The following STK3 variants were observed in gnomAD, a reference collection of about 807,000 sequenced individuals.
The protein encoded by STK3 is serine/threonine-protein kinase 3.
In STK3, 41 loss-of-function variants were observed where a neutral mutation model predicts 58.0. That is an observed-to-expected ratio of 0.71 (90% CI 0.55 to 0.92). The LOEUF (loss-of-function observed/expected upper bound fraction) is 0.92. STK3 is among the 40% of genes least tolerant of loss of function. The probability of loss-of-function intolerance (pLI) is 0.00; values close to 1 mark genes in which losing one functional copy is unlikely to be tolerated. For synonymous variants in STK3, 170 were observed against 191.0 expected (o/e 0.89, Z 0.91); for missense variants, 479 against 602.7 (o/e 0.79, Z 2.15).
intron 3 of STK3, among the ~76,000 whole-genome samples, chr8:98,408,464 C>T (rs1295514887): frequency 2.0e-5 from 3 of 152,300 alleles, no homozygotes; most frequent in African/African-American, 4.8e-5. Context: ...CACATTGCCA[C>T]GGCCATGAGA....
chr8:98,621,142 G>C (rs1025391162), intron 6 of STK3, among the ~76,000 whole-genome samples: 1 of 152,002 alleles, frequency 6.6e-6, no homozygotes, highest in African/African-American at 2.4e-5. Context: ...TGTATTCACC[G>C]TTTTAGCCGG....
Position 98,657,010 on chromosome 8 carries a change from C to G in STK3, c.684+49457G>C, listed in dbSNP as rs189634872. Among the ~76,000 whole-genome samples, 1,408 of 152,146 alleles carry G rather than the reference C, an allele frequency of 9.3e-3. 17 individuals are homozygous for G. The highest frequency in any genetic ancestry group is 0.032 in the African/African-American group (1,331 of 41,524). ...CAGATGGATACAAAATGACAAAAAA[C>G]TCCCTGCCTTTAAAGAATACATATA... On this transcript the variant is annotated intron_variant, in intron 6 of 10. Transcript: ENST00000419617.
chr8:98,603,798 G>T (rs1403744779), intron 6 of STK3, among the ~76,000 whole-genome samples: 1 of 151,990 alleles, frequency 6.6e-6, no homozygotes, highest in Non-Finnish European at 1.5e-5. Flanking sequence ...AAAGGAAGAA[G>T]GGAAGGGAAG....
chr8:98,683,872 G>C (rs186482244), intron 6 of STK3, among the ~76,000 whole-genome samples: 23 of 152,256 alleles, frequency 1.5e-4, no homozygotes, highest in African/African-American at 5.3e-4. Flanking sequence ...ATACACTCTT[G>C]AGGGTCACTG....
chr8:98,591,002 C>T (rs1440697075), intron 7 of STK3, among the ~76,000 whole-genome samples: 9 of 152,102 alleles, frequency 5.9e-5, no homozygotes, highest in Non-Finnish European at 1.5e-5. Flanking sequence ...TTACCACCTG[C>T]TAATCTTAAA....
At chr8:98,886,591 T>C (rs1837998869) in intron 1 of STK3, among the ~76,000 whole-genome samples, 1 of 152,220 alleles carries the variant, frequency 6.6e-6, no homozygotes, top group Admixed American at 6.5e-5. Context: ...GAAATACACA[T>C]TAACTTTTTC....
chr8:98,540,656 G>A (rs1213667230), intron 9 of STK3, among the ~76,000 whole-genome samples: 3 of 152,116 alleles, frequency 2.0e-5, no homozygotes, highest in Non-Finnish European at 4.4e-5. Flanking sequence ...TAACATTGTA[G>A]TCGACTGAAA....
In STK3 at chr8:98,607,374, T is replaced by C. The variant is rs573443604; in HGVS notation, c.685-11205A>G. Among the ~76,000 whole-genome samples, 109 of 152,320 alleles carry C rather than the reference T, an allele frequency of 7.2e-4. 1 individual carries two copies. Among genetic ancestry groups the C allele is most frequent in the African/African-American group, 2.6e-3 (108 of 41,572 alleles). ...ATTTGCACTACAGGTACAAAAGCAA[T>C]GACAGATAAAATTGCTGGCTCCCTA... On this transcript the variant is annotated intron_variant, in intron 6 of 10. Coordinates refer to ENST00000419617, the MANE Select transcript of STK3 (RefSeq NM_006281.4).
intron 1 of STK3, among the ~76,000 whole-genome samples, chr8:98,911,384 GTATT>G (rs201242993): frequency 1.9e-5 from 2 of 106,978 alleles, no homozygotes; most frequent in East Asian, 2.2e-4. Context: ...ATATTGTATT[GTATT>G]TATTTATTTA....
chr8:98,441,277 G>T (rs747170639), intron 1 of STK3, among the ~76,000 whole-genome samples: 21 of 152,130 alleles, frequency 1.4e-4, no homozygotes, highest in Non-Finnish European at 2.2e-4. Context: ...TATACCCGGA[G>T]AATTGAAAAA....
chr8:98,348,038 T>C, the STK3 span, among the ~76,000 whole-genome samples: 1 of 152,194 alleles, frequency 6.6e-6, no homozygotes, highest in African/African-American at 2.4e-5. Context: ...TAATCAAGAC[T>C]GATATTGGTG....
intron 8 of STK3, among the ~76,000 whole-genome samples, chr8:98,554,689 T>C (rs1168682120): frequency 6.6e-6 from 1 of 152,048 alleles, no homozygotes; most frequent in Admixed American, 6.6e-5. Context: ...GACACACAAA[T>C]AGAAATTAAT....
At chr8:98,837,363 C>CAAAAAAAAA (rs533620773) in intron 3 of STK3, among the ~76,000 whole-genome samples, 1 of 63,292 alleles carries the variant, frequency 1.6e-5, no homozygotes. Context: ...TGGAGCTCAG[C>CAAAAAAAAA]AAAAAAAAAA....
intron 6 of STK3, among the ~76,000 whole-genome samples, chr8:98,687,588 C>A (rs1824096021): frequency 6.6e-6 from 1 of 152,166 alleles, no homozygotes; most frequent in African/African-American, 2.4e-5. Flanking sequence ...GACTTCTCAG[C>A]ACAAATCCTA....
intron 3 of STK3, among the ~76,000 whole-genome samples, chr8:98,856,154 T>G (rs555357866): frequency 3.3e-5 from 2 of 60,704 alleles, no homozygotes; most frequent in African/African-American, 1.3e-4. Flanking sequence ...AGACTCCATC[T>G]CAAAAAAAAA....
At chr8:98,632,866 G>A (rs1184882796) in intron 6 of STK3, among the ~76,000 whole-genome samples, 3 of 151,922 alleles carry the variant, frequency 2.0e-5, no homozygotes, top group Non-Finnish European at 1.5e-5. Flanking sequence ...TTTCCTTCAA[G>A]GTTTATTAAA....
intron 1 of STK3, among the ~76,000 whole-genome samples, chr8:98,777,564 G>A (rs1831782530): frequency 1.3e-5 from 2 of 152,160 alleles, no homozygotes; most frequent in Admixed American, 6.6e-5. Context: ...TATGGTAGTA[G>A]TAATGACAAT....
chr8:98,776,158 G>A (rs1021013213), intron 1 of STK3, among the ~76,000 whole-genome samples: 2 of 151,892 alleles, frequency 1.3e-5, no homozygotes, highest in African/African-American at 4.8e-5. Flanking sequence ...GCCCCTACAG[G>A]ATAAGAATGC....
the STK3 span, among the ~76,000 whole-genome samples, chr8:98,346,983 T>C: frequency 2.0e-5 from 3 of 151,834 alleles, no homozygotes; most frequent in Non-Finnish European, 2.9e-5. Context: ...TATTGTATTG[T>C]AGGGTTTACA....
Sources: gnomAD v4.1 joint callset for allele counts (sites outside exome capture counted in the v4.1 genomes callset) on GRCh38, gnomAD v4.1.1 for gene constraint, MANE v1.5 for transcripts, NCBI Gene and HGNC (gene_info 2026-07-23, HGNC 2026-07-21) for gene names.